Variants in CYP2C19 observed in about 807,000 individuals in gnomAD.
CYP2C19 encodes the protein cytochrome P450 2C19.
In CYP2C19, 59 loss-of-function variants were observed where a neutral mutation model predicts 40.9. The observed-to-expected ratio is 1.44, with a 90% CI of 1.17 to 1.79. The LOEUF is 1.79. CYP2C19 is among the 40% of genes most tolerant of loss of function. CYP2C19 has a pLI of 0.00. For missense variants in CYP2C19, 754 were observed against 596.9 expected, an observed-to-expected ratio of 1.26 and a Z score of -2.74; for synonymous variants, 253 against 208.7, an observed-to-expected ratio of 1.21 and a Z score of -1.83.
intron 1 of CYP2C19, among the ~76,000 whole-genome samples, chr10:94,769,288 C>T (rs1848294609): frequency 6.6e-6 from 1 of 152,138 alleles, no homozygotes; most frequent in South Asian, 2.1e-4. Flanking sequence ...GTGCCTGGAC[C>T]TGAGAAGTGG....
At chr10:94,784,356 C>A (rs1342122114) in intron 5 of CYP2C19, among the ~76,000 whole-genome samples, 5 of 151,830 alleles carry the variant, frequency 3.3e-5, no homozygotes, top group African/African-American at 1.2e-4. Context: ...TTTCTTTAAC[C>A]ATTTGTGTAT....
Position 94,782,437 on chromosome 10 carries a change from G to A in CYP2C19, c.819+440G>A, listed in dbSNP as rs112783620. ...ACCATCTCATGCCAGTTAGAATGGC[G>A]ATCATTAAAAAGTCAGGATATAACA... is the stretch of plus-strand genomic sequence containing the variant. On this transcript the variant is annotated intron_variant, in intron 5 of 8. Coordinates refer to ENST00000371321, the MANE Select transcript of CYP2C19 (RefSeq NM_000769.4). Among the ~76,000 whole-genome samples, 396 of 152,160 alleles carry A rather than the reference G, an allele frequency of 2.6e-3. 2 individuals carry two copies. The highest frequency in any genetic ancestry group is 8.1e-3 in the African/African-American group (335 of 41,542).
chr10:94,787,861 GT>G (rs138882737), intron 5 of CYP2C19, among the ~76,000 whole-genome samples: 1,998 of 152,056 alleles, frequency 0.013, 40 homozygotes, highest in African/African-American at 0.044. Flanking sequence ...CTCTTCTTTG[GT>G]TTCAAACGAA....
chr10:94,849,538 T>A (rs1271725907), intron 7 of CYP2C19, among the ~76,000 whole-genome samples: 2 of 151,824 alleles, frequency 1.3e-5, no homozygotes, highest in East Asian at 1.9e-4. Flanking sequence ...TGTGCAGGTT[T>A]GTTACATATG....
intron 5 of CYP2C19, among the ~76,000 whole-genome samples, chr10:94,819,055 C>A (rs1849066363): frequency 6.7e-6 from 1 of 149,914 alleles, no homozygotes; most frequent in African/African-American, 2.5e-5. Flanking sequence ...GACCACAGTG[C>A]AATCAAACTA....
chr10:94,799,925 G>A (rs529496567), intron 5 of CYP2C19, among the ~76,000 whole-genome samples: 2 of 151,946 alleles, frequency 1.3e-5, no homozygotes, highest in African/African-American at 2.4e-5. Flanking sequence ...AAGGTTTTTA[G>A]CTTTCTTATG....
rs1170344545 is a variant in CYP2C19 at position 94,820,606 on chromosome 10, C to T, written c.930C>T (p.Leu310=). ...ETTSTTLRYA[L]LLLLKHPEVT... is the part of the protein sequence containing the mutation. ...CAAGCACAACCCTGAGATATGCTCT[C>T]CTTCTCCTGCTGAAGCACCCAGAGG... The change falls in exon 6 of 9, where the codon CTC becomes CTT. Residue 310 remains leucine, a synonymous_variant. Coordinates refer to ENST00000371321, the MANE Select transcript of CYP2C19 (RefSeq NM_000769.4). 4.3e-6 allele frequency: 7 copies of T among 1,614,054 alleles called. No individual in the cohort carries two copies. The Middle Eastern group carries it at 8.2e-4, about 189-fold the overall frequency.
intron 6 of CYP2C19, among the ~76,000 whole-genome samples, chr10:94,824,412 A>G (rs936569414): frequency 1.3e-5 from 2 of 152,202 alleles, no homozygotes; most frequent in African/African-American, 4.8e-5. Flanking sequence ...TATTTTCAGA[A>G]GAAGCTGCTA....
At chr10:94,763,129 T>C (rs1848195488) in intron 1 of CYP2C19, among the ~76,000 whole-genome samples, 1 of 152,236 alleles carries the variant, frequency 6.6e-6, no homozygotes, top group South Asian at 2.1e-4. Flanking sequence ...TGAAATGTTG[T>C]GTTCCTTCTT....
intron 5 of CYP2C19, among the ~76,000 whole-genome samples, chr10:94,799,802 T>C (rs1004614527): frequency 5.3e-5 from 8 of 152,220 alleles, no homozygotes; most frequent in East Asian, 1.9e-4. Flanking sequence ...TTATTGACTA[T>C]TGAAGCTTCT....
chr10:94,782,073 C>A (rs993219171), intron 5 of CYP2C19, 76 bp downstream of exon 5: 4 of 1,276,088 alleles, frequency 3.1e-6, no homozygotes, highest in Admixed American at 2.6e-5. Flanking sequence ...GTGTTTACTA[C>A]GGATGTTTAA....
rs1434159647 is a variant in CYP2C19 at position 94,855,155 on chromosome 10, C to T, written c.*2241C>T. Among the ~76,000 whole-genome samples the T allele has an allele frequency of 6.6e-6, 1 of 152,186 alleles. No individual in the cohort carries two copies. The highest frequency in any genetic ancestry group is 1.9e-4 in the East Asian group (1 of 5,200). On this transcript the variant is annotated 3_prime_UTR_variant, in exon 9 of 9. Coordinates refer to ENST00000371321, the MANE Select transcript of CYP2C19 (RefSeq NM_000769.4). The stretch of plus-strand genomic sequence containing the variant: ...TCTTTTGTTACATCTCCTACTCCTA[C>T]TACTCTTATTCTCTCTCCCTTATGT...
chr10:94,779,037 C>A (rs1387078116), intron 3 of CYP2C19, among the ~76,000 whole-genome samples: 1 of 152,126 alleles, frequency 6.6e-6, no homozygotes, highest in Non-Finnish European at 1.5e-5. Flanking sequence ...ACTGCATGTT[C>A]TCACTTATAA....
chr10:94,780,671 T>A lies in CYP2C19; in HGVS notation c.642+12T>A, dbSNP rs777598547. The A allele has an allele frequency of 3.1e-6, 5 of 1,613,186 alleles. No homozygotes were observed. Among genetic ancestry groups the A allele is most frequent in the East Asian group, 2.2e-5 (1 of 44,850 alleles). ...CCCCCTGGATCCAGGTAAGGCCAAG[T>A]TTTTTGCTTCCTGAGAAACCACTTA... On this transcript the variant is annotated intron_variant, in intron 4 of 8. Coordinates refer to ENST00000371321, the MANE Select transcript of CYP2C19 (RefSeq NM_000769.4).
intron 5 of CYP2C19, among the ~76,000 whole-genome samples, chr10:94,792,401 G>A (rs1173203981): frequency 6.6e-6 from 1 of 152,108 alleles, no homozygotes; most frequent in African/African-American, 2.4e-5. Context: ...TCATTATGAT[G>A]TTAGCTGGTT....
chr10:94,806,170 G>C (rs1848833025), intron 5 of CYP2C19, among the ~76,000 whole-genome samples: 2 of 152,012 alleles, frequency 1.3e-5, no homozygotes, highest in African/African-American at 4.8e-5. Context: ...TTTGTGACTG[G>C]TTTATTTCAC....
intron 6 of CYP2C19, among the ~76,000 whole-genome samples, chr10:94,834,283 G>A (rs570418180): frequency 9.4e-4 from 143 of 152,070 alleles, no homozygotes; most frequent in Non-Finnish European, 1.7e-3. Context: ...CAATTTATTG[G>A]CATATAGTTG....
intron 5 of CYP2C19, among the ~76,000 whole-genome samples, chr10:94,814,250 C>A (rs990899638): frequency 6.6e-6 from 1 of 151,766 alleles, no homozygotes; most frequent in Non-Finnish European, 1.5e-5. Context: ...CAGCCACCCT[C>A]CTGATTGAGT....
chr10:94,842,860 C>A lies in CYP2C19; in HGVS notation c.985C>A (p.Arg329Ser), dbSNP rs59734894. 3 of 1,613,998 alleles carry A rather than the reference C, an allele frequency of 1.9e-6. No homozygotes were observed. Among genetic ancestry groups the A allele is most frequent in the South Asian group, 2.2e-5 (2 of 91,086 alleles). ...VTAKVQEEIE[R>S]VIGRNRSPCM... ...AGCTAAAGTCCAGGAAGAGATTGAA[C>A]GTGTCATTGGCAGAAACCGGAGCCC... Residue 329 changes from arginine (R) to serine (S), a missense_variant, in exon 7 of 9, where the codon CGT becomes AGT. Arg to Ser is a moderately radical substitution (Grantham distance 110). Transcript: ENST00000371321.
Sources: gnomAD v4.1 joint callset for allele counts (sites outside exome capture counted in the v4.1 genomes callset) on GRCh38, gnomAD v4.1.1 for gene constraint, MANE v1.5 for transcripts, NCBI Gene and HGNC (gene_info 2026-07-23, HGNC 2026-07-21) for gene names.